The following AP5B1 variants were observed in gnomAD, a reference collection of about 807,000 sequenced individuals.
The protein encoded by AP5B1 is AP-5 complex subunit beta-1.
Under a neutral mutation model 5.7 loss-of-function variants are expected in AP5B1, and 3 were observed. The ratio of observed to expected loss-of-function variants is 0.53; its 90% CI spans 0.24 to 1.36. The LOEUF (loss-of-function observed/expected upper bound fraction) is 1.36, where lower values mean the gene tolerates loss of function less well. Ranked by LOEUF, AP5B1 falls within the 40% of genes most tolerant of loss-of-function variation. AP5B1 has a pLI of 0.17. For synonymous variants in AP5B1, 696 were observed against 555.5 expected, an observed-to-expected ratio of 1.25 and a Z score of -3.56; for missense variants, 1,310 against 1,143.2, an observed-to-expected ratio of 1.15 and a Z score of -2.10.
In AP5B1 at chr11:65,778,689, G is replaced by C; in HGVS notation, c.1804C>G (p.Gln602Glu). Residue 602 changes from glutamine (Q) to glutamate (E), a missense_variant, in exon 2 of 2, where the codon CAG (glutamine) becomes GAG (glutamate). By Grantham distance (29) the Gln-to-Glu change is conservative (BLOSUM62 2). Coordinates refer to ENST00000532090, the MANE Select transcript of AP5B1 (RefSeq NM_138368.5). ...TCACGCCCATCAGGGTCCTCCAGCT[G>C]CCTGGCCAGCACCTGCAGCAAGTCG... Reference protein sequence around the residue: ...LVDLLQVLARQLEDPDGRDHA... With the variant: ...LVDLLQVLARELEDPDGRDHA... 1 of 1,575,272 alleles carries C rather than the reference G, an allele frequency of 6.3e-7. No individual in the cohort carries two copies. Among genetic ancestry groups the C allele is most frequent in the Admixed American group, 1.8e-5 (1 of 55,310 alleles).
Position 65,775,564 on chromosome 11 carries a change from G to A in AP5B1, c.*2292C>T, listed in dbSNP as rs1857754425. On this transcript the variant is annotated 3_prime_UTR_variant, in exon 2 of 2. Transcript: ENST00000532090. ...TTTGTGGGTGTCAGGAGGCAGGAGT[G>A]GCAGTCCCACCCCATGTCCCAGGGC... Among the ~76,000 whole-genome samples, 1 of 152,174 alleles carries A rather than the reference G, an allele frequency of 6.6e-6. No homozygotes were observed. The highest frequency in any genetic ancestry group is 1.5e-5 in the Non-Finnish European group (1 of 68,030).
Position 65,780,527 on chromosome 11 carries a change from G to A in AP5B1, c.65C>T (p.Ala22Val), listed in dbSNP as rs777943737. Residue 22 changes from alanine (A) to valine (V), a missense_variant, in exon 1 of 2, where the codon GCC (alanine) becomes GTC (valine). Coordinates refer to ENST00000532090, the MANE Select transcript of AP5B1 (RefSeq NM_138368.5). ...CTCCCCCTCGGGACCTGCCATGAAGGCAGACGGGCTGGCCCGGAAGGCCCC... is the reference window on the plus strand; with the variant it reads ...CTCCCCCTCGGGACCTGCCATGAAGACAGACGGGCTGGCCCGGAAGGCCCC... ...RLGAFRASPS[A>V]FMAGPEGEDL... is the part of the protein sequence containing the mutation. 5.3e-6 allele frequency: 8 copies of A among 1,515,302 alleles called. No homozygotes were observed. Among genetic ancestry groups the A allele is most frequent in the African/African-American group, 1.4e-5 (1 of 70,584 alleles). The allele number at this position is 1,515,302 out of a possible 1,614,324, so 93.9% of individuals were successfully genotyped here.
chr11:65,778,759 C>G lies in AP5B1; in HGVS notation c.1734G>C (p.Arg578=), dbSNP rs1857801172. 1.2e-6 allele frequency: 2 copies of G among 1,609,038 alleles called. No homozygotes were observed. The highest frequency in any genetic ancestry group is 1.7e-6 in the Non-Finnish European group (2 of 1,178,404). The change falls in exon 2 of 2, where the codon CGG becomes CGC. Residue 578 remains arginine (R), a synonymous_variant. Coordinates refer to ENST00000532090, the MANE Select transcript of AP5B1 (RefSeq NM_138368.5). ...CTGCCCGCAGCAGCGCCCGGCAGAC[C>G]CGCAGCAGGCCCTGCTGTAGGTCCC... ...TNWDLQQGLL[R]VCRALLRAGV...
chr11:65,778,642 G>GA lies in AP5B1; in HGVS notation c.1850dup (p.Leu618ProfsTer166). On this transcript the variant is annotated frameshift_variant, in exon 2 of 2. Transcript: ENST00000532090. LOFTEE classifies it low-confidence loss of function (END_TRUNC). ...TGGGTGCTGCCAGGTGTGCCAGCAG[G>GA]ATGTAGTAGAGGCGGGCGTGGTCAC... 6.3e-7 allele frequency: 1 copy of GA among 1,595,230 alleles called. No individual in the cohort carries two copies. Among genetic ancestry groups the GA allele is most frequent in the South Asian group, 1.1e-5 (1 of 88,672 alleles).
Position 65,778,337 on chromosome 11 carries a change from C to G in AP5B1, c.2156G>C (p.Arg719Pro). The G allele has an allele frequency of 6.2e-7, 1 of 1,611,792 alleles. No homozygotes were observed. The highest frequency in any genetic ancestry group is 1.1e-5 in the South Asian group (1 of 90,992). Residue 719 changes from arginine to proline, a missense_variant, in exon 2 of 2, where the codon CGC becomes CCC. Physicochemically the swap from Arg to Pro is moderately radical, Grantham distance 103 (BLOSUM62 -2). Coordinates refer to ENST00000532090, the MANE Select transcript of AP5B1 (RefSeq NM_138368.5). ...AVHVPCLCPG[R>P]PARPLLLPLQ... ...AGGCAGGAGCAGAGGGCGGGCAGGG[C>G]GGCCAGGACACAGGCAGGGCACATG...
In AP5B1 at chr11:65,774,658, C is replaced by T. The variant is rs1442942684; in HGVS notation, c.*3198G>A. On this transcript the variant is annotated 3_prime_UTR_variant, in exon 2 of 2. Transcript: ENST00000532090. The stretch of plus-strand genomic sequence containing the variant: ...TCTTCACCTCAGGTAATCAACCCAC[C>T]TCGGCCTCCCAAAATGCTGGGATTA... Among the ~76,000 whole-genome samples the T allele has an allele frequency of 6.6e-6, 1 of 152,226 alleles. No homozygotes were observed. The highest frequency in any genetic ancestry group is 1.5e-5 in the Non-Finnish European group (1 of 68,034).
chr11:65,779,099 C>T lies in AP5B1; in HGVS notation c.1394G>A (p.Cys465Tyr). The T allele has an allele frequency of 1.9e-6, 3 of 1,609,004 alleles. No homozygotes were observed. The highest frequency in any genetic ancestry group is 2.5e-6 in the Non-Finnish European group (3 of 1,178,332). The change falls in exon 2 of 2, where the codon TGC (cysteine) becomes TAC (tyrosine). Residue 465 changes from cysteine (C) to tyrosine (Y), a missense_variant. By Grantham distance (194) the Cys-to-Tyr change is radical. Coordinates refer to ENST00000532090, the MANE Select transcript of AP5B1 (RefSeq NM_138368.5). ...GGCCACCAGATACGAGGCCTGGAAG[C>T]AGAGAGTGGCCAAGGCCCGGGGGCC... is the stretch of plus-strand genomic sequence containing the variant. ...DGGPRALATL[C>Y]FQASYLVACC...
rs1431291507 is a variant in AP5B1, at chr11:65,780,034, G to T, written c.459C>A (p.Cys153Ter). Reference protein sequence around the residue: ...QRPLQATACECLRELESCKPG... With the variant: ...QRPLQATACE ...GCTTGCAGCTCTCTAGCTCTCGCAG[G>T]CACTCGCAGGCCGTGGCCTGCAAGG... Residue 153 changes from cysteine to a stop codon, truncating the protein, a stop_gained, in exon 2 of 2, where the codon TGC becomes TGA. Transcript: ENST00000532090. LOFTEE classifies it low-confidence loss of function (END_TRUNC). 1.3e-6 allele frequency: 2 copies of T among 1,554,960 alleles called. No homozygotes were observed. The highest frequency in any genetic ancestry group is 2.7e-5 in the African/African-American group (2 of 73,344).
At position 65,778,436 on chromosome 11, in the gene AP5B1, G is replaced by C; in HGVS notation, c.2057C>G (p.Ala686Gly). Residue 686 changes from alanine (A) to glycine (G), a missense_variant, in exon 2 of 2, where the codon GCG becomes GGG. By Grantham distance (60) the Ala-to-Gly change is moderately conservative. Transcript: ENST00000532090. Reference sequence around the variant, plus strand: ...CTCCAGAGAGTAGATGGGCTCCAGCGCCTCCGGCTGGAGCTTCAACACTGG... The same window carrying C: ...CTCCAGAGAGTAGATGGGCTCCAGCCCCTCCGGCTGGAGCTTCAACACTGG... ...PLPVLKLQPEALEPIYSLELR... is the reference protein window; with the variant it reads ...PLPVLKLQPEGLEPIYSLELR... The C allele has an allele frequency of 6.3e-7, 1 of 1,575,428 alleles. No homozygotes were observed. Among genetic ancestry groups the C allele is most frequent in the Non-Finnish European group, 8.6e-7 (1 of 1,165,162 alleles).
Position 65,780,059 on chromosome 11 carries a change from G to A in AP5B1, c.434C>T (p.Pro145Leu), listed in dbSNP as rs1284702774. 6.5e-6 allele frequency: 10 copies of A among 1,550,058 alleles called. No homozygotes were observed. Among genetic ancestry groups the A allele is most frequent in the South Asian group, 1.2e-5 (1 of 84,518 alleles). The change falls in exon 2 of 2, where the codon CCC becomes CTC. Residue 145 changes from proline to leucine, a missense_variant. Pro to Leu is a moderately conservative substitution (Grantham distance 98, BLOSUM62 -3). Transcript: ENST00000532090. ...GCACTCGCAGGCCGTGGCCTGCAAG[G>A]GGCGCTGTTCCGAGGCGGGGACAAA... ...RGFVPASEQR[P>L]LQATACECLR...
rs377372088 is a variant in AP5B1, at chr11:65,779,254, C to T, written c.1239G>A (p.Leu413=). The change falls in exon 2 of 2, where the codon CTG becomes CTA. Residue 413 remains leucine, a synonymous_variant. Coordinates refer to ENST00000532090, the MANE Select transcript of AP5B1 (RefSeq NM_138368.5). The part of the protein sequence containing the change: ...PSLLHDPMAL[L]ARLHLLCLLC... ...GCAGGCACAGTAAATGCAGGCGGGC[C>T]AGGAGGGCCATTGGGTCATGCAGGA... 277 of 1,593,758 alleles carry T rather than the reference C, an allele frequency of 1.7e-4. No homozygotes were observed. The highest frequency in any genetic ancestry group is 2.2e-4 in the Non-Finnish European group (257 of 1,169,240).
Position 65,776,448 on chromosome 11 carries a change from T to C in AP5B1, c.*1408A>G, listed in dbSNP as rs541567130. 1.3e-5 allele frequency: 2 copies of C among 152,160 alleles called. No individual in the cohort carries two copies. Among genetic ancestry groups the C allele is most frequent in the Admixed American group, 6.5e-5 (1 of 15,274 alleles). 9.4% of individuals were successfully genotyped at this position (152,160 alleles called of 1,614,324 possible). On this transcript the variant is annotated 3_prime_UTR_variant, in exon 2 of 2. Coordinates refer to ENST00000532090, the MANE Select transcript of AP5B1 (RefSeq NM_138368.5). ...TCACTCAACCGCTCCTGCCTACGGA[T>C]TTCCTCATCTGCGGGGCCCTGCAGA...
At position 65,779,232 on chromosome 11, in the gene AP5B1, G is replaced by A. The variant is rs556395145; in HGVS notation, c.1261C>T (p.Leu421=). 34 of 1,598,366 alleles carry A rather than the reference G, an allele frequency of 2.1e-5. No individual in the cohort carries two copies. Among genetic ancestry groups the A allele is most frequent in the South Asian group, 1.8e-4 (16 of 89,286 alleles). The change falls in exon 2 of 2, where the codon CTG becomes TTG. Residue 421 remains leucine (L), a synonymous_variant. Coordinates refer to ENST00000532090, the MANE Select transcript of AP5B1 (RefSeq NM_138368.5). The part of the protein sequence containing the change: ...ALLARLHLLC[L]LCAEEEEEEK... ...TCTTCTTCCTCCTCGGCACAGAGCA[G>A]GCACAGTAAATGCAGGCGGGCCAGG...
rs1371329796 is a variant in AP5B1 at position 65,777,598 on chromosome 11, T to C, written c.*258A>G. ...TCACTGGGCTCTGGGCCCTCCACTA[T>C]GGACTTCCCAGCCTCCAGAGCTCTG... On this transcript the variant is annotated 3_prime_UTR_variant, in exon 2 of 2. Coordinates refer to ENST00000532090, the MANE Select transcript of AP5B1 (RefSeq NM_138368.5). 4.1e-6 allele frequency: 2 copies of C among 487,370 alleles called. No individual in the cohort carries two copies. Among genetic ancestry groups the C allele is most frequent in the Non-Finnish European group, 7.2e-6 (2 of 277,250 alleles). 30.2% of individuals were successfully genotyped at this position (487,370 alleles called of 1,614,324 possible). A position where few individuals can be genotyped will look rare whatever the true frequency, so the allele number is the denominator to read the frequency against.
chr11:65,775,919 C>T lies in AP5B1; in HGVS notation c.*1937G>A, dbSNP rs1030124727. On this transcript the variant is annotated 3_prime_UTR_variant, in exon 2 of 2. Transcript: ENST00000532090. ...TTTTTTTCTTTTTTTGAGACAGAGC[C>T]TTGCTCTGTCGCCCAGGCTGGAGTG... 1.3e-5 allele frequency: 2 copies of T among 152,210 alleles called. No homozygotes were observed. The highest frequency in any genetic ancestry group is 2.4e-5 in the African/African-American group (1 of 41,384). The allele number at this position is 152,210 out of a possible 1,614,324, so 9.4% of individuals were successfully genotyped here.
rs917740817 is a variant in AP5B1 at position 65,774,236 on chromosome 11, T to A, written c.*3620A>T. Among the ~76,000 whole-genome samples, 1 of 152,218 alleles carries A rather than the reference T, an allele frequency of 6.6e-6. No individual in the cohort carries two copies. The highest frequency in any genetic ancestry group is 2.4e-5 in the African/African-American group (1 of 41,454). On this transcript the variant is annotated 3_prime_UTR_variant, in exon 2 of 2. Coordinates refer to ENST00000532090, the MANE Select transcript of AP5B1 (RefSeq NM_138368.5). ...GGGGTTTTAGGATTTTTAGTTTACA[T>A]AACTGATTTGATAATCCAGGGCATT...
rs1411408718 is a variant in AP5B1, at chr11:65,780,096, G to C, written c.397C>G (p.Leu133Val). 1.3e-6 allele frequency: 2 copies of C among 1,523,858 alleles called. No homozygotes were observed. The highest frequency in any genetic ancestry group is 2.4e-5 in the South Asian group (2 of 81,850). 94.4% of individuals were successfully genotyped at this position (1,523,858 alleles called of 1,614,324 possible). A position where few individuals can be genotyped will look rare whatever the true frequency, so the allele number is the denominator to read the frequency against. ...LLLGLAAGSD[L>V]GRGFVPASEQ... ...GAGGCGGGGACAAAGCCTCGCCCCA[G>C]ATCGCTACCCGCGGCCAGGCCGAGC... Residue 133 changes from leucine (L) to valine (V), a missense_variant, in exon 2 of 2, where the codon CTG becomes GTG. Coordinates refer to ENST00000532090, the MANE Select transcript of AP5B1 (RefSeq NM_138368.5).
chr11:65,780,920 G>A lies in AP5B1; in HGVS notation c.-329C>T, dbSNP rs899867766. ...CCCGGCGCCGGCGGTAACGGGCCGCGCTCGCCGCCTGACTCAGCCGCCGCG... is the reference window on the plus strand; with the variant it reads ...CCCGGCGCCGGCGGTAACGGGCCGCACTCGCCGCCTGACTCAGCCGCCGCG... On this transcript the variant is annotated 5_prime_UTR_variant, in exon 1 of 2. Transcript: ENST00000532090. 4.3e-4 allele frequency: 72 copies of A among 166,134 alleles called. No homozygotes were observed. Among genetic ancestry groups the A allele is most frequent in the Admixed American group, 3.2e-3 (49 of 15,494 alleles). 10.3% of individuals were successfully genotyped at this position (166,134 alleles called of 1,614,324 possible).
At position 65,777,898 on chromosome 11, in the gene AP5B1, G is replaced by A. The variant is rs1213085586; in HGVS notation, c.2595C>T (p.Pro865=). 1.9e-6 allele frequency: 3 copies of A among 1,549,654 alleles called. No homozygotes were observed. Among genetic ancestry groups the A allele is most frequent in the African/African-American group, 1.4e-5 (1 of 73,248 alleles). ...ALRTDDWAVL[P]LAGDYLRGLA... The stretch of plus-strand genomic sequence containing the variant: ...GCCCACGGAGGTAGTCCCCCGCCAG[G>A]GGCAGCACGGCCCAGTCATCGGTCC... Residue 865 remains proline, a synonymous_variant, in exon 2 of 2, where the codon CCC becomes CCT. Coordinates refer to ENST00000532090, the MANE Select transcript of AP5B1 (RefSeq NM_138368.5).
Sources: allele counts gnomAD v4.1 joint callset (sites outside exome capture counted in the v4.1 genomes callset), GRCh38; gene constraint gnomAD v4.1.1; transcripts MANE v1.5; gene names NCBI Gene and HGNC (gene_info 2026-07-23, HGNC 2026-07-21).